The following MGAT4A variants were observed in gnomAD, a reference collection of about 807,000 sequenced individuals.
The protein encoded by MGAT4A is N-acetylglucosaminyltransferase IVa.
A neutral mutation model predicts 74.1 loss-of-function variants in MGAT4A; 33 were observed. That is an observed-to-expected ratio of 0.45 (90% confidence interval 0.34 to 0.60). The LOEUF (loss-of-function observed/expected upper bound fraction) is 0.60, where lower values mean the gene tolerates loss of function less well. Among genes scored for constraint, MGAT4A ranks in the 20% least tolerant of loss-of-function variants. The pLI is 0.02. For synonymous variants in MGAT4A, 198 were observed against 210.4 expected, an observed-to-expected ratio of 0.94 and a Z score of 0.51; for missense variants, 479 against 628.3, an observed-to-expected ratio of 0.76 and a Z score of 2.54.
chr2:98,642,815 T>G lies in MGAT4A; in HGVS notation c.1020+1108A>C, dbSNP rs188437200. ...TCTGCCATTGCTAGATTCCATGATT[T>G]CCTCTAACTAAGAATGTGTTGGGGT... On this transcript the variant is annotated intron_variant, in intron 10 of 15. Transcript: ENST00000393487. Among the ~76,000 whole-genome samples the G allele has an allele frequency of 4.6e-5, 7 of 152,340 alleles. No individual in the cohort carries two copies. In the East Asian group the frequency reaches 1.4e-3, roughly 29 times the overall value.
At position 98,629,287 on chromosome 2, in the gene MGAT4A, T is replaced by C. The variant is rs550647572; in HGVS notation, c.1469-3452A>G. 3.9e-3 allele frequency among the ~76,000 whole-genome samples: 589 copies of C among 152,332 alleles called. 6 individuals carry two copies. Among genetic ancestry groups the C allele is most frequent in the African/African-American group, 0.013 (552 of 41,572 alleles). On this transcript the variant is annotated intron_variant, in intron 14 of 15. Transcript: ENST00000393487. Reference sequence around the variant, plus strand: ...GATTGAAAACCACAGCAGAGCAGGCTTGTACTAATTTATATTGTAAATGTT... The same window carrying C: ...GATTGAAAACCACAGCAGAGCAGGCCTGTACTAATTTATATTGTAAATGTT...
intron 8 of MGAT4A, among the ~76,000 whole-genome samples, chr2:98,648,170 C>G (rs181471360): frequency 6.6e-6 from 1 of 152,266 alleles, no homozygotes; most frequent in Admixed American, 6.5e-5. Flanking sequence ...CTCCCTCTTT[C>G]CTGAGGCATA....
At chr2:98,632,465 C>A (rs769242850) in intron 14 of MGAT4A, among the ~76,000 whole-genome samples, 1 of 152,260 alleles carries the variant, frequency 6.6e-6, no homozygotes, top group Non-Finnish European at 1.5e-5. Context: ...CCCTGTTAAA[C>A]TTTCCACTGG....
intron 10 of MGAT4A, 68 bp from the exon 11 acceptor site, chr2:98,640,296 G>A: frequency 7.9e-7 from 1 of 1,268,230 alleles, no homozygotes; most frequent in Non-Finnish European, 1.1e-6. Flanking sequence ...CCTGGAAAAT[G>A]AGAAGTCCTT....
chr2:98,668,172 G>C (rs1235767741), intron 4 of MGAT4A, among the ~76,000 whole-genome samples: 1 of 152,224 alleles, frequency 6.6e-6, no homozygotes, highest in Non-Finnish European at 1.5e-5. Context: ...AAGCTCAATG[G>C]GGAAAATGTC....
intron 8 of MGAT4A, among the ~76,000 whole-genome samples, chr2:98,653,939 C>T (rs1701619401): frequency 6.6e-6 from 1 of 152,050 alleles, no homozygotes; most frequent in African/African-American, 2.4e-5. Context: ...TTAAAATGCA[C>T]ATTAAAAGAA....
At chr2:98,647,004 C>T (rs1221494586) in intron 8 of MGAT4A, among the ~76,000 whole-genome samples, 1 of 152,206 alleles carries the variant, frequency 6.6e-6, no homozygotes, top group African/African-American at 2.4e-5. Flanking sequence ...TTTACTCCAG[C>T]CTTTCTTTAA....
Position 98,625,139 on chromosome 2 carries a change from GTA to G in MGAT4A, c.*425_*426del. ...TAAATTAATTCCATAACATTTTTAT[GTA>G]TATTTATATATTTATATATATAATC... is the stretch of plus-strand genomic sequence containing the variant. On this transcript the variant is annotated 3_prime_UTR_variant, in exon 16 of 16. Coordinates refer to ENST00000393487, the MANE Select transcript of MGAT4A (RefSeq NM_012214.3). 1.2e-6 allele frequency: 1 copy of G among 810,488 alleles called. No homozygotes were observed. The highest frequency in any genetic ancestry group is 1.5e-6 in the Non-Finnish European group (1 of 671,106). The allele number at this position is 810,488 out of a possible 1,614,324, so 50.2% of individuals were successfully genotyped here.
At chr2:98,651,730 A>G (rs1367473872) in intron 8 of MGAT4A, among the ~76,000 whole-genome samples, 1 of 152,226 alleles carries the variant, frequency 6.6e-6, no homozygotes, top group Non-Finnish European at 1.5e-5. Flanking sequence ...ATCACTAAAA[A>G]TGTAAATGGG....
In MGAT4A at chr2:98,623,248, G is replaced by C. The variant is rs1419596713; in HGVS notation, c.*2318C>G. On this transcript the variant is annotated 3_prime_UTR_variant, in exon 16 of 16. Transcript: ENST00000393487. The stretch of plus-strand genomic sequence containing the variant: ...TGGGAACAACAGGTGGACCAATGCT[G>C]GGAGGGCAAACTGCATGAAAACAGG... The C allele has an allele frequency of 2.0e-6, 2 of 985,318 alleles. No individual in the cohort carries two copies. The highest frequency in any genetic ancestry group is 2.4e-6 in the Non-Finnish European group (2 of 829,964). 61.0% of individuals were successfully genotyped at this position (985,318 alleles called of 1,614,324 possible).
intron 2 of MGAT4A, among the ~76,000 whole-genome samples, chr2:98,691,179 C>A (rs560811147): frequency 6.6e-6 from 1 of 152,044 alleles, no homozygotes; most frequent in African/African-American, 2.4e-5. Flanking sequence ...GGAGGCTGGG[C>A]GCAGTGGCTC....
intron 2 of MGAT4A, among the ~76,000 whole-genome samples, chr2:98,708,791 G>A (rs1702475737): frequency 6.6e-6 from 1 of 152,214 alleles, no homozygotes; most frequent in Non-Finnish European, 1.5e-5. Context: ...TTCTTAAATT[G>A]AAACTGTGCA....
chr2:98,655,981 T>A (rs1157841412), intron 7 of MGAT4A: 3 of 194,860 alleles, frequency 1.5e-5, no homozygotes, highest in African/African-American at 7.1e-5. Flanking sequence ...GGGTCCCTAT[T>A]CTGGTGCCTA....
chr2:98,709,325 G>A (rs541798586), intron 2 of MGAT4A, among the ~76,000 whole-genome samples: 3 of 152,116 alleles, frequency 2.0e-5, no homozygotes, highest in Admixed American at 6.5e-5. Context: ...AGGTCCAATC[G>A]GTTCTATTAT....
At position 98,625,212 on chromosome 2, in the gene MGAT4A, C is replaced by T; in HGVS notation, c.*354G>A. On this transcript the variant is annotated 3_prime_UTR_variant, in exon 16 of 16. Transcript: ENST00000393487. ...GGTCTATAATAGTAAAATAAGTGAA[C>T]CTCAAAAGTACCCCCTTCATAAAAT... 1 of 871,358 alleles carries T rather than the reference C, an allele frequency of 1.1e-6. No individual in the cohort carries two copies. Among genetic ancestry groups the T allele is most frequent in the Non-Finnish European group, 1.4e-6 (1 of 723,414 alleles). 54.0% of individuals were successfully genotyped at this position (871,358 alleles called of 1,614,324 possible). A position where few individuals can be genotyped will look rare whatever the true frequency, so the allele number is the denominator to read the frequency against.
chr2:98,679,785 C>T (rs566155643), intron 2 of MGAT4A, among the ~76,000 whole-genome samples: 21 of 152,202 alleles, frequency 1.4e-4, no homozygotes, highest in African/African-American at 5.1e-4. Flanking sequence ...GGCATTGAAA[C>T]AATGAGTAGA....
Position 98,621,378 on chromosome 2 carries a change from T to A in MGAT4A, c.*4188A>T. 6.5e-7 allele frequency: 1 copy of A among 1,543,694 alleles called. No homozygotes were observed. Among genetic ancestry groups the A allele is most frequent in the Non-Finnish European group, 8.8e-7 (1 of 1,142,682 alleles). On this transcript the variant is annotated 3_prime_UTR_variant, in exon 16 of 16. Coordinates refer to ENST00000393487, the MANE Select transcript of MGAT4A (RefSeq NM_012214.3). ...AGCTCCTTTGCTGTTAGCCAAGGCC[T>A]CTCTCAGCTCCTCAAAGCCATGTGC...
Position 98,638,696 on chromosome 2 carries a change from G to A in MGAT4A, c.1322+1112C>T, listed in dbSNP as rs535904940. ...AAAACTATTTCTGTATGTTCTTCCA[G>A]TGGTATTCCCAATGCTTAAAACACT... is the stretch of plus-strand genomic sequence containing the variant. On this transcript the variant is annotated intron_variant, in intron 12 of 15. Coordinates refer to ENST00000393487, the MANE Select transcript of MGAT4A (RefSeq NM_012214.3). Among the ~76,000 whole-genome samples the A allele has an allele frequency of 3.3e-5, 5 of 152,344 alleles. No individual in the cohort carries two copies. The East Asian group carries it at 7.7e-4, about 23-fold the overall frequency.
In MGAT4A at chr2:98,636,522, A is replaced by G; in HGVS notation, c.1396T>C (p.Phe466Leu). Residue 466 changes from phenylalanine (F) to leucine (L), a missense_variant, in exon 13 of 16, where the codon TTT becomes CTT. Around this residue, in one of 3 missense-constraint regions of MGAT4A, gnomAD observed 236 missense variants for 308.2 expected, o/e 0.77. Coordinates refer to ENST00000393487, the MANE Select transcript of MGAT4A (RefSeq NM_012214.3). ...LLNTTVEVLP[F>L]KSEGLEISKE... The stretch of plus-strand genomic sequence containing the variant: ...AGAGGAAATAGCAGTCATACCTTAA[A>G]AGGCAAAACTTCCACAGTTGTGTTT... The G allele has an allele frequency of 6.2e-7, 1 of 1,612,838 alleles. No homozygotes were observed. Among genetic ancestry groups the G allele is most frequent in the Non-Finnish European group, 8.5e-7 (1 of 1,178,818 alleles).
Sources: gnomAD v4.1 joint callset for allele counts (sites outside exome capture counted in the v4.1 genomes callset) on GRCh38, gnomAD v4.1.1 for gene constraint, gnomAD v4.1.1 regional missense constraint, MANE v1.5 for transcripts, NCBI Gene and HGNC (gene_info 2026-07-23, HGNC 2026-07-21) for gene names.